The following NRG2 variants were observed in gnomAD, a reference collection of about 807,000 sequenced individuals.
NRG2 encodes the protein neuregulin 2.
Under a neutral mutation model 73.9 loss-of-function variants are expected in NRG2, and 27 were observed. The observed-to-expected ratio is 0.37, with a 90% CI of 0.27 to 0.50. NRG2 has a LOEUF of 0.50. NRG2 is among the 20% of genes least tolerant of loss of function. NRG2 has a pLI of 0.96. For missense variants in NRG2, 1,126 were observed against 1,210.1 expected, an observed-to-expected ratio of 0.93 and a Z score of 1.03; for synonymous variants, 532 against 541.0, an observed-to-expected ratio of 0.98 and a Z score of 0.23.
intron 1 of NRG2, among the ~76,000 whole-genome samples, chr5:139,941,321 A>T (rs2126427447): frequency 6.6e-6 from 1 of 152,270 alleles, no homozygotes; most frequent in South Asian, 2.1e-4. Context: ...TCAACATATA[A>T]TCATTGAATA....
chr5:139,932,651 A>C (rs751034481), intron 1 of NRG2, among the ~76,000 whole-genome samples: 1 of 152,180 alleles, frequency 6.6e-6, no homozygotes, highest in Non-Finnish European at 1.5e-5. Context: ...AATACTGTGA[A>C]ATAACAGATA....
chr5:140,013,738 C>T (rs542273252), intron 1 of NRG2, among the ~76,000 whole-genome samples: 2 of 152,250 alleles, frequency 1.3e-5, no homozygotes, highest in Admixed American at 6.5e-5. Context: ...GTCAAAATCC[C>T]CAATGGCATC....
chr5:139,954,336 T>C lies in NRG2; in HGVS notation c.701-66825A>G, dbSNP rs1489947683. ...TAGCCCCAGGTCCCAAGGTCGCCCATGTCAGCACCTATAGTGGACAATGAT... is the reference window on the plus strand; with the variant it reads ...TAGCCCCAGGTCCCAAGGTCGCCCACGTCAGCACCTATAGTGGACAATGAT... On this transcript the variant is annotated intron_variant, in intron 1 of 9. Coordinates refer to ENST00000361474, the MANE Select transcript of NRG2 (RefSeq NM_004883.3). This position sits in a 1 kb window ranked among gnomAD's most constrained non-coding sequence, Gnocchi z 5.0. Among the ~76,000 whole-genome samples, 1 of 152,148 alleles carries C rather than the reference T, an allele frequency of 6.6e-6. No homozygotes were observed. Among genetic ancestry groups the C allele is most frequent in the East Asian group, 1.9e-4 (1 of 5,188 alleles).
intron 2 of NRG2, among the ~76,000 whole-genome samples, chr5:139,883,377 A>G (rs1763661384): frequency 1.4e-5 from 2 of 148,116 alleles, no homozygotes; most frequent in South Asian, 4.6e-4. Context: ...CCCCTCATAA[A>G]CAAGGGAACA....
chr5:139,979,660 C>T (rs1413092104), intron 1 of NRG2, among the ~76,000 whole-genome samples: 2 of 152,186 alleles, frequency 1.3e-5, no homozygotes, highest in East Asian at 1.9e-4. Context: ...TAAGGGAGCC[C>T]TGTGGAGAGC....
chr5:139,974,567 A>C (rs376383792), intron 1 of NRG2, among the ~76,000 whole-genome samples: 1 of 152,148 alleles, frequency 6.6e-6, no homozygotes, highest in South Asian at 2.1e-4. Context: ...TCGCACACTC[A>C]ACCAGTCATA....
intron 1 of NRG2, among the ~76,000 whole-genome samples, chr5:140,039,475 T>C (rs918790815): frequency 6.6e-6 from 1 of 152,182 alleles, no homozygotes; most frequent in East Asian, 1.9e-4. Flanking sequence ...ATGATACACA[T>C]TAGATATGTA....
intron 1 of NRG2, among the ~76,000 whole-genome samples, chr5:140,025,135 C>T (rs1315795459): frequency 6.6e-6 from 1 of 152,174 alleles, no homozygotes; most frequent in Non-Finnish European, 1.5e-5. Context: ...CTGATTAGTA[C>T]CCTCTTCCTC....
Position 139,990,035 on chromosome 5 carries a change from A to G in NRG2, c.700+52335T>C, listed in dbSNP as rs547058656. Reference sequence around the variant, plus strand: ...GATCTCCTGACCTTGTGATCCGCCCACCTCGGCCTCCCAAAGTGCTGGGAT... The same window carrying G: ...GATCTCCTGACCTTGTGATCCGCCCGCCTCGGCCTCCCAAAGTGCTGGGAT... On this transcript the variant is annotated intron_variant, in intron 1 of 9. Coordinates refer to ENST00000361474, the MANE Select transcript of NRG2 (RefSeq NM_004883.3). Among the ~76,000 whole-genome samples, 1,363 of 149,886 alleles carry G rather than the reference A, an allele frequency of 9.1e-3. 11 individuals carry two copies. The highest frequency in any genetic ancestry group is 0.031 in the Middle Eastern group (9 of 292).
rs188778726 is a variant in NRG2, at chr5:139,894,120, G to A, written c.701-6609C>T. Among the ~76,000 whole-genome samples the A allele has an allele frequency of 2.6e-5, 4 of 152,304 alleles. No individual in the cohort carries two copies. The highest frequency in any genetic ancestry group is 5.9e-5 in the Non-Finnish European group (4 of 68,008). On this transcript the variant is annotated intron_variant, in intron 1 of 9. Coordinates refer to ENST00000361474, the MANE Select transcript of NRG2 (RefSeq NM_004883.3). The surrounding 1 kb of genome is among the most constrained non-coding windows in gnomAD (Gnocchi z 5.0). ...CCTCTCGGCAGTGGGCGGTGGGTGCGGAGCCTACTCAGATCTGAGAGCAAG... is the reference window on the plus strand; with the variant it reads ...CCTCTCGGCAGTGGGCGGTGGGTGCAGAGCCTACTCAGATCTGAGAGCAAG...
In NRG2 at chr5:140,008,028, C is replaced by T. The variant is rs1209854942; in HGVS notation, c.700+34342G>A. Among the ~76,000 whole-genome samples the T allele has an allele frequency of 6.6e-6, 1 of 152,216 alleles. No individual in the cohort carries two copies. The highest frequency in any genetic ancestry group is 1.5e-5 in the Non-Finnish European group (1 of 68,032). On this transcript the variant is annotated intron_variant, in intron 1 of 9. Coordinates refer to ENST00000361474, the MANE Select transcript of NRG2 (RefSeq NM_004883.3). The surrounding 1 kb of genome is among the most constrained non-coding windows in gnomAD (Gnocchi z 4.2). ...AAGTCTGATACTGTGAGACCCACAG[C>T]CGCCAGTCCTATAGTAGGAAGCTGT...
At chr5:139,907,475 T>A (rs1765306348) in intron 1 of NRG2, among the ~76,000 whole-genome samples, 1 of 152,160 alleles carries the variant, frequency 6.6e-6, no homozygotes, top group Non-Finnish European at 1.5e-5. Flanking sequence ...TACCTCCTTG[T>A]GGGACAGATA....
At chr5:139,971,359 T>C (rs1056912827) in intron 1 of NRG2, among the ~76,000 whole-genome samples, 2 of 152,070 alleles carry the variant, frequency 1.3e-5, no homozygotes, top group Non-Finnish European at 2.9e-5. Context: ...AAGAACTAGG[T>C]AGGCATTTGC....
chr5:139,990,260 A>G (rs1400552662), intron 1 of NRG2, among the ~76,000 whole-genome samples: 1 of 151,104 alleles, frequency 6.6e-6, no homozygotes, highest in Admixed American at 6.6e-5. Context: ...ACCAGTTTAC[A>G]TTCCCACTAG....
At chr5:139,957,289 C>T (rs1053225312) in intron 1 of NRG2, among the ~76,000 whole-genome samples, 1 of 150,668 alleles carries the variant, frequency 6.6e-6, no homozygotes, top group Non-Finnish European at 1.5e-5. Context: ...TGGTCACCAT[C>T]CCCCCACTCA....
At chr5:139,859,231 C>T (rs77865538) in intron 5 of NRG2, among the ~76,000 whole-genome samples, 4,694 of 152,168 alleles carry the variant, frequency 0.031, 112 homozygotes, top group Non-Finnish European at 0.047. Context: ...AGCTGGGAGA[C>T]AAGGGGCAGG....
At chr5:139,998,558 G>A (rs917748012) in intron 1 of NRG2, among the ~76,000 whole-genome samples, 7 of 152,160 alleles carry the variant, frequency 4.6e-5, no homozygotes, top group African/African-American at 1.7e-4. Flanking sequence ...GCCTTCTACT[G>A]TTCTCATTCC....
rs757095372 is a variant in NRG2, at chr5:139,865,212, T to C, written c.1189+337A>G. The C allele has an allele frequency of 6.4e-7, 1 of 1,565,982 alleles. No homozygotes were observed. The highest frequency in any genetic ancestry group is 1.1e-5 in the South Asian group (1 of 89,914). ...GAAAACCAGAAAGAGAGAGCCAGGA[T>C]AGCAAGACACAGGCATTGCAACACC... On this transcript the variant is annotated intron_variant, in intron 5 of 9. Transcript: ENST00000361474. The surrounding 1 kb of genome is among the most constrained non-coding windows in gnomAD (Gnocchi z 5.2).
At chr5:139,885,707 G>T (rs1255158065) in intron 2 of NRG2, among the ~76,000 whole-genome samples, 3 of 151,572 alleles carry the variant, frequency 2.0e-5, no homozygotes, top group Non-Finnish European at 2.9e-5. Flanking sequence ...GGGCTCTGTG[G>T]GTGTGTGTGT....
Sources: allele counts gnomAD v4.1 joint callset (sites outside exome capture counted in the v4.1 genomes callset), GRCh38; gene constraint gnomAD v4.1.1; non-coding constraint Gnocchi (gnomAD v3.1); transcripts MANE v1.5; gene names NCBI Gene and HGNC (gene_info 2026-07-23, HGNC 2026-07-21).